ABHD3: variants seen among roughly 807,000 people sequenced by gnomAD.
The protein encoded by ABHD3 is phospholipase ABHD3.
Under a neutral mutation model 48.8 loss-of-function variants are expected in ABHD3, and 46 were observed. That is an observed-to-expected ratio of 0.94 (90% confidence interval 0.74 to 1.20). The LOEUF is 1.20. Among genes scored for constraint, ABHD3 ranks in the 50% most tolerant of loss-of-function variants. The pLI, the probability that ABHD3 is intolerant of heterozygous loss-of-function variation, is 0.00. For synonymous variants in ABHD3, 192 were observed against 183.7 expected, an observed-to-expected ratio of 1.04 and a Z score of -0.36; for missense variants, 490 against 497.8, an observed-to-expected ratio of 0.98 and a Z score of 0.15.
chr18:21,683,618 A>C (rs1292236658), intron 4 of ABHD3: 1 of 449,064 alleles, frequency 2.2e-6, no homozygotes, highest in African/African-American at 2.1e-5. Context: ...TCGATGTTAA[A>C]ATGTAGTAAG....
intron 3 of ABHD3, among the ~76,000 whole-genome samples, chr18:21,696,276 T>C (rs7235501): frequency 0.089 from 13,564 of 151,884 alleles, 2,007 homozygotes; most frequent in African/African-American, 0.31. Context: ...CTCAAGTAGC[T>C]GGGACTACAG....
intron 4 of ABHD3, among the ~76,000 whole-genome samples, chr18:21,679,109 T>C (rs1195617940): frequency 6.6e-6 from 1 of 152,252 alleles, no homozygotes; most frequent in African/African-American, 2.4e-5. Context: ...TCTCTGCTGA[T>C]TCATCTTTTG....
chr18:21,659,952 T>C (rs899958016), intron 5 of ABHD3, among the ~76,000 whole-genome samples: 2 of 147,588 alleles, frequency 1.4e-5, no homozygotes, highest in African/African-American at 5.0e-5. Context: ...TTACAGCCGT[T>C]GCACCCGGCC....
chr18:21,698,724 C>G lies in ABHD3; in HGVS notation c.509+3592G>C, dbSNP rs186976129. On this transcript the variant is annotated intron_variant, in intron 3 of 8. Transcript: ENST00000289119. ...CCCAAGTAGCTGGGATGACAGGTGTCCACCACCACATCCAGCTAATTTTTC... is the reference window on the plus strand; with the variant it reads ...CCCAAGTAGCTGGGATGACAGGTGTGCACCACCACATCCAGCTAATTTTTC... Among the ~76,000 whole-genome samples, 25 of 151,788 alleles carry G rather than the reference C, an allele frequency of 1.6e-4. No individual in the cohort carries two copies. The East Asian group carries it at 4.7e-3, about 29-fold the overall frequency.
At chr18:21,697,767 T>C (rs970930862) in intron 3 of ABHD3, among the ~76,000 whole-genome samples, 4 of 152,206 alleles carry the variant, frequency 2.6e-5, no homozygotes, top group Admixed American at 6.5e-5. Context: ...ATCCCATCCA[T>C]CCTGAATTTT....
intron 3 of ABHD3, among the ~76,000 whole-genome samples, chr18:21,699,036 C>T (rs897812455): frequency 4.0e-5 from 6 of 151,826 alleles, no homozygotes; most frequent in Non-Finnish European, 7.4e-5. Flanking sequence ...CAAGTTCAAG[C>T]GATTCTCGTG....
At chr18:21,673,187 C>A (rs78713533) in intron 4 of ABHD3, among the ~76,000 whole-genome samples, 1,979 of 152,202 alleles carry the variant, frequency 0.013, 49 homozygotes, top group African/African-American at 0.045. Flanking sequence ...GATTTTCAGC[C>A]CTGTTTGTAC....
intron 8 of ABHD3, among the ~76,000 whole-genome samples, chr18:21,653,148 T>A (rs1334256142): frequency 1.5e-5 from 2 of 133,280 alleles, no homozygotes; most frequent in Admixed American, 8.0e-5. Context: ...TGGATCATGA[T>A]GTCAGGAGTT....
At chr18:21,670,705 A>G (rs1273636427) in intron 4 of ABHD3, among the ~76,000 whole-genome samples, 1 of 152,088 alleles carries the variant, frequency 6.6e-6, no homozygotes, top group African/African-American at 2.4e-5. Context: ...GCCTGTTGAA[A>G]TTGTGCATGG....
chr18:21,697,608 T>C (rs1249041063), intron 3 of ABHD3, among the ~76,000 whole-genome samples: 1 of 152,168 alleles, frequency 6.6e-6, no homozygotes, highest in Non-Finnish European at 1.5e-5. Flanking sequence ...CTCAAACTCC[T>C]GACCTCAAGT....
intron 8 of ABHD3, 21 bp downstream of exon 8, chr18:21,656,840 A>G: frequency 6.4e-7 from 1 of 1,557,378 alleles, no homozygotes; most frequent in Non-Finnish European, 8.7e-7. Flanking sequence ...GTCAAAATAT[A>G]TACAAATATG....
At chr18:21,673,160 ACTC>A (rs1358033593) in intron 4 of ABHD3, among the ~76,000 whole-genome samples, 3 of 152,146 alleles carry the variant, frequency 2.0e-5, no homozygotes, top group Non-Finnish European at 4.4e-5. Context: ...ATGCAGGACT[ACTC>A]ATCACCTCCC....
chr18:21,677,621 A>C (rs1339810094), intron 4 of ABHD3, among the ~76,000 whole-genome samples: 1 of 151,970 alleles, frequency 6.6e-6, no homozygotes, highest in East Asian at 1.9e-4. Context: ...GGCTATTATG[A>C]ATAATGTTGC....
chr18:21,694,966 T>A (rs1037521359), intron 3 of ABHD3, among the ~76,000 whole-genome samples: 3 of 152,232 alleles, frequency 2.0e-5, no homozygotes, highest in Non-Finnish European at 4.4e-5. Context: ...ATATCCATCC[T>A]TCCCTTCTTC....
At position 21,659,185 on chromosome 18, in the gene ABHD3, T is replaced by G. The variant is rs553647299; in HGVS notation, c.827A>C (p.Gln276Pro). 2.5e-6 allele frequency: 4 copies of G among 1,613,380 alleles called. No homozygotes were observed. In the Admixed American group the frequency reaches 5.0e-5, roughly 20 times the overall value. ...GATGACTCACTTATTAACTGAAGAC[T>G]GAAGGCAGGTTGTCAAATAGTAATT... ...LFNYYLTTCL[Q>P]SSVNKHRHMF... is the part of the protein sequence containing the mutation. The change falls in exon 6 of 9, where the codon CAG becomes CCG. Residue 276 changes from glutamine (Q) to proline (P), a missense_variant. Transcript: ENST00000289119.
intron 3 of ABHD3, among the ~76,000 whole-genome samples, chr18:21,690,085 A>G (rs2040213187): frequency 6.6e-6 from 1 of 151,460 alleles, no homozygotes; most frequent in Non-Finnish European, 1.5e-5. Context: ...ACTCAAGGAC[A>G]TTAAGGGTGG....
At chr18:21,680,852 A>ATGTGTGTGTG in intron 4 of ABHD3, among the ~76,000 whole-genome samples, 1 of 108,508 alleles carries the variant, frequency 9.2e-6, no homozygotes, top group African/African-American at 5.9e-5. Context: ...TCTTTTTCAA[A>ATGTGTGTGTG]TGTGTGTGTG....
At chr18:21,664,091 G>C (rs371887064) in intron 5 of ABHD3, 27 bp downstream of exon 5, 64 of 1,593,444 alleles carry the variant, frequency 4.0e-5, no homozygotes, top group Non-Finnish European at 5.3e-5. Context: ...CCCTCTCAGA[G>C]ATTATTTTAG....
rs965177681 is a variant in ABHD3, at chr18:21,659,259, G to A, written c.753C>T (p.Thr251=). ...AAATFSVGWN[T]FACSESLEKP... ...TTTCCAATGACTCTGAGCAAGCGAA[G>A]GTGTTCCAACCAACGGAAAAAGTTG... Residue 251 remains threonine, a synonymous_variant, in exon 6 of 9, where the codon ACC becomes ACT. Transcript: ENST00000289119. 1.2e-6 allele frequency: 2 copies of A among 1,613,890 alleles called. No homozygotes were observed. Among genetic ancestry groups the A allele is most frequent in the Non-Finnish European group, 8.5e-7 (1 of 1,179,994 alleles).
Sources: allele counts gnomAD v4.1 joint callset (sites outside exome capture counted in the v4.1 genomes callset), GRCh38; gene constraint gnomAD v4.1.1; transcripts MANE v1.5; gene names NCBI Gene and HGNC (gene_info 2026-07-23, HGNC 2026-07-21).